Variants in GPR78 observed in about 807,000 individuals in gnomAD.
GPR78 encodes the protein G protein-coupled receptor 78.
In GPR78, 29 loss-of-function variants were observed where a neutral mutation model predicts 17.9. That is an observed-to-expected ratio of 1.62 (90% confidence interval 1.20 to 2.21). The LOEUF is 2.21. Ranked by LOEUF, GPR78 falls within the 30% of genes most tolerant of loss-of-function variation. The pLI is 0.00. For missense variants in GPR78, 649 were observed against 530.5 expected (o/e 1.22, Z -2.19); for synonymous variants, 349 against 256.9 (o/e 1.36, Z -3.43).
intron 2 of GPR78, among the ~76,000 whole-genome samples, chr4:8,585,978 T>C (rs778901162): frequency 1.3e-5 from 2 of 152,180 alleles, no homozygotes; most frequent in Non-Finnish European, 2.9e-5. Context: ...GGGACAGAAA[T>C]TCACTGCCTG....
rs1052583894 is a variant in GPR78 at position 8,588,241 on chromosome 4, G to A, written c.*878G>A. Among the ~76,000 whole-genome samples the A allele has an allele frequency of 2.6e-5, 4 of 152,246 alleles. No homozygotes were observed. The highest frequency in any genetic ancestry group is 6.5e-5 in the Admixed American group (1 of 15,290). ...CAGGGCCCAGGTGTCCAGAGAGGGT[G>A]GCCTGGGATGGGGAGGGCCCTTGCT... is the stretch of plus-strand genomic sequence containing the variant. On this transcript the variant is annotated 3_prime_UTR_variant, in exon 3 of 3. Coordinates refer to ENST00000382487, the MANE Select transcript of GPR78 (RefSeq NM_080819.5).
intron 2 of GPR78, among the ~76,000 whole-genome samples, chr4:8,585,764 T>C (rs1027492722): frequency 2.6e-5 from 4 of 151,848 alleles, no homozygotes; most frequent in Non-Finnish European, 5.9e-5. Flanking sequence ...GCCCCTCAGC[T>C]TGAGGTGGTT....
In GPR78 at chr4:8,581,630, G is replaced by A. The variant is rs1490387631; in HGVS notation, c.648G>A (p.Leu216=). Reference sequence around the variant, plus strand: ...CCGTCACCATGAAGGCGCTCGCGCTGCTCGCCGACCTGCACCCCAGGTATT... The same window carrying A: ...CCGTCACCATGAAGGCGCTCGCGCTACTCGCCGACCTGCACCCCAGGTATT... The part of the protein sequence containing the change: ...MDTVTMKALA[L]LADLHPSVRQ... The change falls in exon 1 of 3, where the codon CTG becomes CTA. Residue 216 remains leucine (L), a synonymous_variant. Transcript: ENST00000382487. 6.7e-7 allele frequency: 1 copy of A among 1,492,454 alleles called. No individual in the cohort carries two copies. The highest frequency in any genetic ancestry group is 8.9e-7 in the Non-Finnish European group (1 of 1,125,728). 92.5% of individuals were successfully genotyped at this position (1,492,454 alleles called of 1,614,324 possible). A position where few individuals can be genotyped will look rare whatever the true frequency, so the allele number is the denominator to read the frequency against.
intron 2 of GPR78, among the ~76,000 whole-genome samples, chr4:8,586,560 G>A (rs1713514092): frequency 6.6e-6 from 1 of 152,238 alleles, no homozygotes; most frequent in Non-Finnish European, 1.5e-5. Flanking sequence ...CTGGTTATGA[G>A]CATTGTTCTG....
chr4:8,581,749 G>A (rs535099738), intron 1 of GPR78, 99 bp downstream of exon 1: 4 of 890,960 alleles, frequency 4.5e-6, no homozygotes, highest in East Asian at 5.9e-5. Context: ...CCGTTACTCC[G>A]CCCAGAGTTC....
rs768864780 is a variant in GPR78, at chr4:8,581,507, G to T, written c.525G>T (p.Thr175=). The change falls in exon 1 of 3, where the codon ACG becomes ACT. Residue 175 remains threonine (T), a synonymous_variant. Coordinates refer to ENST00000382487, the MANE Select transcript of GPR78 (RefSeq NM_080819.5). The part of the protein sequence containing the change: ...ERPRFAAFTA[T]LHAVGFVLPL... ...CGCGCTTCGCAGCCTTCACCGCCAC[G>T]CTCCATGCCGTGGGCTTCGTGCTGC... 1 of 1,592,082 alleles carries T rather than the reference G, an allele frequency of 6.3e-7. No homozygotes were observed. Among genetic ancestry groups the T allele is most frequent in the South Asian group, 1.1e-5 (1 of 89,466 alleles).
At chr4:8,583,981 CCTT>C (rs1713396894) in intron 2 of GPR78, among the ~76,000 whole-genome samples, 1 of 152,186 alleles carries the variant, frequency 6.6e-6, no homozygotes, top group Non-Finnish European at 1.5e-5. Context: ...ACTGTAGCAT[CCTT>C]CTCCCGGGAA....
At chr4:8,583,362 T>TA (rs5856015) in intron 2 of GPR78, among the ~76,000 whole-genome samples, 29,146 of 152,142 alleles carry the variant, frequency 0.19, 3,259 homozygotes, top group East Asian at 0.4. Context: ...TGCTTGCTAT[T>TA]ACGTTTTGCC....
rs781749859 is a variant in GPR78, at chr4:8,587,344, G to T, written c.1073G>T (p.Cys358Phe). Residue 358 changes from cysteine to phenylalanine, a missense_variant, in exon 3 of 3, where the codon TGC becomes TTC. Transcript: ENST00000382487. ...NGSVDTENDS[C>F]LQQTH is the part of the protein sequence containing the mutation. ...TCTGTGGACACAGAGAATGATTCCT[G>T]CCTGCAGCAGACACACTGAGGGCCT... 2.5e-6 allele frequency: 4 copies of T among 1,612,766 alleles called. No individual in the cohort carries two copies. Among genetic ancestry groups the T allele is most frequent in the Non-Finnish European group, 3.4e-6 (4 of 1,179,782 alleles).
Position 8,581,118 on chromosome 4 carries a change from G to A in GPR78, c.136G>A (p.Val46Met). Reference sequence around the variant, plus strand: ...CACTCGAGCCTCAGGCGTCCTCCTGGTGAATCTGTCTCTGGGCCACCTGCT... The same window carrying A: ...CACTCGAGCCTCAGGCGTCCTCCTGATGAATCTGTCTCTGGGCCACCTGCT... Reference protein sequence around the residue: ...LRTRASGVLLVNLSLGHLLLA... With the variant: ...LRTRASGVLLMNLSLGHLLLA... Residue 46 changes from valine (V) to methionine (M), a missense_variant, in exon 1 of 3, where the codon GTG (valine) becomes ATG (methionine). Coordinates refer to ENST00000382487, the MANE Select transcript of GPR78 (RefSeq NM_080819.5). 6.2e-7 allele frequency: 1 copy of A among 1,606,316 alleles called. No individual in the cohort carries two copies. Among genetic ancestry groups the A allele is most frequent in the South Asian group, 1.1e-5 (1 of 90,978 alleles).
rs745845778 is a variant in GPR78, at chr4:8,581,494, C to T, written c.512C>T (p.Ala171Val). ...GAGCCTGAGCGTCCGCGCTTCGCAG[C>T]CTTCACCGCCACGCTCCATGCCGTG... ...PPEPERPRFA[A>V]FTATLHAVGF... Residue 171 changes from alanine (A) to valine (V), a missense_variant, in exon 1 of 3, where the codon GCC becomes GTC. Ala to Val is a moderately conservative substitution (Grantham distance 64). Coordinates refer to ENST00000382487, the MANE Select transcript of GPR78 (RefSeq NM_080819.5). The T allele has an allele frequency of 5.0e-6, 8 of 1,592,608 alleles. No individual in the cohort carries two copies. Among genetic ancestry groups the T allele is most frequent in the Non-Finnish European group, 6.8e-6 (8 of 1,177,084 alleles).
rs116286932 is a variant in GPR78 at position 8,588,638 on chromosome 4, C to T, written c.*1275C>T. Among the ~76,000 whole-genome samples, 1,223 of 152,350 alleles carry T rather than the reference C, an allele frequency of 8.0e-3. 15 individuals carry two copies. The highest frequency in any genetic ancestry group is 0.028 in the South Asian group (134 of 4,824). On this transcript the variant is annotated 3_prime_UTR_variant, in exon 3 of 3. Coordinates refer to ENST00000382487, the MANE Select transcript of GPR78 (RefSeq NM_080819.5). ...CCTCAGGCCCCTGCCTCATGGGACT[C>T]TCTGATGGGCTTCAACCGTGGGCTC... is the stretch of plus-strand genomic sequence containing the variant.
rs546309729 is a variant in GPR78 at position 8,587,150 on chromosome 4, G to A, written c.879G>A (p.Thr293=). ...TYSKAVADPF[T]YSLLRRPFRQ... is the part of the protein sequence containing the mutation. ...GCAAGGCGGTGGCCGACCCGTTCAC[G>A]TACTCTCTGCTCCGCCGGCCGTTCC... is the stretch of plus-strand genomic sequence containing the variant. Residue 293 remains threonine (T), a synonymous_variant, in exon 3 of 3, where the codon ACG becomes ACA. Transcript: ENST00000382487. The A allele has an allele frequency of 4.0e-5, 65 of 1,613,386 alleles. No homozygotes were observed. The highest frequency in any genetic ancestry group is 8.3e-5 in the Admixed American group (5 of 60,016).
At chr4:8,583,437 T>A (rs1415709159) in intron 2 of GPR78, among the ~76,000 whole-genome samples, 2 of 152,166 alleles carry the variant, frequency 1.3e-5, no homozygotes, top group Admixed American at 1.3e-4. Flanking sequence ...CTGGGAGGTC[T>A]CCACCCTATG....
At chr4:8,582,351 C>G (rs554461289) in intron 1 of GPR78, among the ~76,000 whole-genome samples, 180 bp from the exon 2 acceptor site, 9 of 152,184 alleles carry the variant, frequency 5.9e-5, no homozygotes, top group African/African-American at 1.9e-4. Flanking sequence ...ATTTCACCTA[C>G]AAAAAAGCAA....
At position 8,580,752 on chromosome 4, in the gene GPR78, A is replaced by G. The variant is rs980507821; in HGVS notation, c.-231A>G. 20 of 560,524 alleles carry G rather than the reference A, an allele frequency of 3.6e-5. No homozygotes were observed. Among genetic ancestry groups the G allele is most frequent in the Admixed American group, 3.1e-4 (9 of 28,818 alleles). 34.7% of individuals were successfully genotyped at this position (560,524 alleles called of 1,614,324 possible). On this transcript the variant is annotated 5_prime_UTR_variant, in exon 1 of 3. Coordinates refer to ENST00000382487, the MANE Select transcript of GPR78 (RefSeq NM_080819.5). ...ACAGCACCGCGGTTGCGCTGCCTCCAGGGCGGCCCCGGGCTGCTCCTGCTC... is the reference window on the plus strand; with the variant it reads ...ACAGCACCGCGGTTGCGCTGCCTCCGGGGCGGCCCCGGGCTGCTCCTGCTC...
intron 2 of GPR78, among the ~76,000 whole-genome samples, chr4:8,586,748 C>T (rs1713525093): frequency 1.3e-5 from 2 of 152,142 alleles, no homozygotes; most frequent in Non-Finnish European, 2.9e-5. Flanking sequence ...GGTGGGTGGA[C>T]TGAGCTGAGT....
chr4:8,581,315 A>G lies in GPR78; in HGVS notation c.333A>G (p.Pro111=), dbSNP rs761745851. The G allele has an allele frequency of 5.7e-6, 9 of 1,582,900 alleles. No individual in the cohort carries two copies. The Admixed American group carries it at 1.2e-4, about 21-fold the overall frequency. ...SADQWLAVGF[P]LRYAGRLRPR... ...ACCAGTGGCTGGCAGTGGGCTTCCC[A>G]CTGCGCTACGCCGGACGCCTGCGAC... is the stretch of plus-strand genomic sequence containing the variant. Residue 111 remains proline (P), a synonymous_variant, in exon 1 of 3, where the codon CCA becomes CCG. Coordinates refer to ENST00000382487, the MANE Select transcript of GPR78 (RefSeq NM_080819.5).
Position 8,589,548 on chromosome 4 carries a change from G to A in GPR78, c.*2185G>A, listed in dbSNP as rs866093006. On this transcript the variant is annotated 3_prime_UTR_variant, in exon 3 of 3. Transcript: ENST00000382487. ...GTTGTTCCCCATTTAAAGTTCTGGA[G>A]CCCAGGCTGTGAGCTCCTTGGCTGA... Among the ~76,000 whole-genome samples, 2 of 152,250 alleles carry A rather than the reference G, an allele frequency of 1.3e-5. No individual in the cohort carries two copies. The highest frequency in any genetic ancestry group is 2.4e-5 in the African/African-American group (1 of 41,468).
Sources: gnomAD v4.1 joint callset for allele counts (sites outside exome capture counted in the v4.1 genomes callset) on GRCh38, gnomAD v4.1.1 for gene constraint, MANE v1.5 for transcripts, NCBI Gene and HGNC (gene_info 2026-07-23, HGNC 2026-07-21) for gene names.